The following NDUFV3 variants were observed in gnomAD, a reference collection of about 807,000 sequenced individuals.
NDUFV3 encodes the protein NADH dehydrogenase [ubiquinone] flavoprotein 3, mitochondrial.
In NDUFV3, 44 loss-of-function variants were observed where a neutral mutation model predicts 37.5. The ratio of observed to expected loss-of-function variants is 1.17; its 90% confidence interval spans 0.92 to 1.51. The LOEUF (loss-of-function observed/expected upper bound fraction) is 1.51, where lower values mean the gene tolerates loss of function less well. Among genes scored for constraint, NDUFV3 ranks in the 40% most tolerant of loss-of-function variants. The pLI is 0.00. For missense variants in NDUFV3, 580 were observed against 580.4 expected, an observed-to-expected ratio of 1.00 and a Z score of 0.01; for synonymous variants, 235 against 239.3, an observed-to-expected ratio of 0.98 and a Z score of 0.17.
At chr21:42,896,179 CAG>C (rs1276206525) in intron 1 of NDUFV3, among the ~76,000 whole-genome samples, 1 of 101,286 alleles carries the variant, frequency 9.9e-6, no homozygotes, top group Non-Finnish European at 1.9e-5. Context: ...TTTTTTGCGA[CAG>C]AGTCTTGCTC....
In NDUFV3 at chr21:42,893,428, G is replaced by A. The variant is rs1030609924; in HGVS notation, c.48+47G>A. 3 of 1,531,596 alleles carry A rather than the reference G, an allele frequency of 2.0e-6. No homozygotes were observed. The Admixed American group carries it at 5.9e-5, about 30-fold the overall frequency. The allele number at this position is 1,531,596 out of a possible 1,614,324, so 94.9% of individuals were successfully genotyped here. Reference sequence around the variant, plus strand: ...GCTGGCTGCGCGGCCCCGAGCCTACGTAGGGGATGGGGTGAGGGGGCGCGG... The same window carrying A: ...GCTGGCTGCGCGGCCCCGAGCCTACATAGGGGATGGGGTGAGGGGGCGCGG... On this transcript the variant is annotated intron_variant, in intron 1 of 3. Coordinates refer to ENST00000354250, the MANE Select transcript of NDUFV3 (RefSeq NM_021075.4).
At chr21:42,893,490 C>A (rs560597003) in intron 1 of NDUFV3, 109 bp downstream of exon 1, 6 of 1,298,880 alleles carry the variant, frequency 4.6e-6, no homozygotes, top group East Asian at 2.5e-5. Flanking sequence ...GACCTCTAGC[C>A]GTCCTAGTTG....
intron 1 of NDUFV3, among the ~76,000 whole-genome samples, chr21:42,895,420 T>G (rs1004615096): frequency 2.0e-5 from 3 of 152,032 alleles, no homozygotes; most frequent in Non-Finnish European, 2.9e-5. Flanking sequence ...AGGCGGAGAT[T>G]GTAGTGAGCC....
chr21:42,903,163 T>G lies in NDUFV3; in HGVS notation c.170-19T>G. 6.2e-7 allele frequency: 1 copy of G among 1,614,164 alleles called. No homozygotes were observed. Among genetic ancestry groups the G allele is most frequent in the Non-Finnish European group, 8.5e-7 (1 of 1,180,026 alleles). On this transcript the variant is annotated intron_variant, in intron 2 of 3. Transcript: ENST00000354250. ...AAGTTGTTTTGTTAAATAACATTCC[T>G]CTTTATGCCGTTTCCCAGATGTAGT...
At chr21:42,895,654 A>G (rs1264160167) in intron 1 of NDUFV3, among the ~76,000 whole-genome samples, 1 of 111,114 alleles carries the variant, frequency 9.0e-6, no homozygotes, top group African/African-American at 3.1e-5. Flanking sequence ...CCTGTCTCCA[A>G]AAAAAAAAAA....
At chr21:42,905,203 A>G (rs2058736036) in intron 3 of NDUFV3, among the ~76,000 whole-genome samples, 3 of 152,332 alleles carry the variant, frequency 2.0e-5, no homozygotes, top group East Asian at 1.9e-4. Flanking sequence ...AAGGTGTCCA[A>G]GTGTTCATTG....
At position 42,909,581 on chromosome 21, in the gene NDUFV3, T is replaced by G. The variant is rs981717257; in HGVS notation, c.*560T>G. On this transcript the variant is annotated 3_prime_UTR_variant, in exon 4 of 4. Coordinates refer to ENST00000354250, the MANE Select transcript of NDUFV3 (RefSeq NM_021075.4). ...GAATCACTGGGCAAATCCATATAAT[T>G]AGAGAATTTTAAGTGCTTTAGAGCG... is the stretch of plus-strand genomic sequence containing the variant. 3.1e-4 allele frequency: 53 copies of G among 171,568 alleles called. No individual in the cohort carries two copies. The highest frequency in any genetic ancestry group is 3.4e-4 in the Non-Finnish European group (27 of 78,340). 10.6% of individuals were successfully genotyped at this position (171,568 alleles called of 1,614,324 possible).
intron 2 of NDUFV3, among the ~76,000 whole-genome samples, chr21:42,899,286 T>TTTTTTTTTTTTTTTTTTTTA (rs1370334671): frequency 7.1e-6 from 1 of 140,866 alleles, no homozygotes; most frequent in African/African-American, 3.1e-5. Flanking sequence ...TGTTTTTTTT[T>TTTTTTTTTTTTTTTTTTTTA]GAGACAGAGT....
chr21:42,903,714 T>TA lies in NDUFV3; in HGVS notation c.704dup (p.Pro236AlafsTer21). 1 of 1,614,164 alleles carries TA rather than the reference T, an allele frequency of 6.2e-7. No homozygotes were observed. The highest frequency in any genetic ancestry group is 2.2e-5 in the East Asian group (1 of 44,882). ...AGCCAAAGAAGAAAGGGTCCCCTGC[T>TA]AAGCCATCAGAAGGCAGGGAAAATG... On this transcript the variant is annotated frameshift_variant, in exon 3 of 4. Transcript: ENST00000354250. LOFTEE classifies it high-confidence loss of function.
At position 42,903,707 on chromosome 21, in the gene NDUFV3, C is replaced by T. The variant is rs2058728623; in HGVS notation, c.695C>T (p.Ser232Phe). The T allele has an allele frequency of 8.1e-6, 13 of 1,614,112 alleles. No individual in the cohort carries two copies. Among genetic ancestry groups the T allele is most frequent in the Non-Finnish European group, 1.1e-5 (13 of 1,180,028 alleles). Reference sequence around the variant, plus strand: ...CCCCACCAGCCAAAGAAGAAAGGGTCCCCTGCTAAGCCATCAGAAGGCAGG... The same window carrying T: ...CCCCACCAGCCAAAGAAGAAAGGGTTCCCTGCTAAGCCATCAGAAGGCAGG... Reference protein sequence around the residue: ...EKPHQPKKKGSPAKPSEGREN... With the variant: ...EKPHQPKKKGFPAKPSEGREN... Residue 232 changes from serine (S) to phenylalanine (F), a missense_variant, in exon 3 of 4, where the codon TCC (serine) becomes TTC (phenylalanine). Ser to Phe is a radical substitution (Grantham distance 155, BLOSUM62 -2). Transcript: ENST00000354250.
At chr21:42,894,996 T>C (rs1447680111) in intron 1 of NDUFV3, among the ~76,000 whole-genome samples, 1 of 152,180 alleles carries the variant, frequency 6.6e-6, no homozygotes, top group Non-Finnish European at 1.5e-5. Context: ...TTTATATACC[T>C]ACATCATTTT....
Position 42,903,936 on chromosome 21 carries a change from G to T in NDUFV3, c.924G>T (p.Ala308=), listed in dbSNP as rs192664588. The change falls in exon 3 of 4, where the codon GCG becomes GCT. Residue 308 remains alanine, a synonymous_variant. Coordinates refer to ENST00000354250, the MANE Select transcript of NDUFV3 (RefSeq NM_021075.4). ...GLSAPPKGSP[A]PAVLAEEARA... ...CTGCGCCACCGAAGGGCAGCCCAGC[G>T]CCTGCTGTGTTGGCAGAAGAGGCCA... The T allele has an allele frequency of 8.7e-6, 14 of 1,613,048 alleles. No homozygotes were observed. Among genetic ancestry groups the T allele is most frequent in the Non-Finnish European group, 9.3e-6 (11 of 1,179,400 alleles).
rs71320572 is a variant in NDUFV3, at chr21:42,913,059, G to A, written c.*4038G>A. 0.22 allele frequency: 33,913 copies of A among 152,054 alleles called. 4,413 individuals are homozygous for A. Among genetic ancestry groups the A allele is most frequent in the Non-Finnish European group, 0.28 (19,355 of 67,960 alleles). The allele number at this position is 152,054 out of a possible 1,614,324, so 9.4% of individuals were successfully genotyped here. Reference sequence around the variant, plus strand: ...AGCCTGGGCGACAGAGCAAGACTCCGTCTCAAAAAATAAATTAATTAATTA... The same window carrying A: ...AGCCTGGGCGACAGAGCAAGACTCCATCTCAAAAAATAAATTAATTAATTA... On this transcript the variant is annotated 3_prime_UTR_variant, in exon 4 of 4. Coordinates refer to ENST00000354250, the MANE Select transcript of NDUFV3 (RefSeq NM_021075.4).
rs1456140078 is a variant in NDUFV3 at position 42,912,928 on chromosome 21, G to A, written c.*3907G>A. On this transcript the variant is annotated 3_prime_UTR_variant, in exon 4 of 4. Coordinates refer to ENST00000354250, the MANE Select transcript of NDUFV3 (RefSeq NM_021075.4). ...ACAAAAAAAAAATTAGCCGGGCGTG[G>A]TGGTGGGCGCCTGTAGTCCCAGCTA... 1 of 149,754 alleles carries A rather than the reference G, an allele frequency of 6.7e-6. No individual in the cohort carries two copies. The highest frequency in any genetic ancestry group is 2.5e-5 in the African/African-American group (1 of 40,514). The allele number at this position is 149,754 out of a possible 1,614,324, so 9.3% of individuals were successfully genotyped here.
At chr21:42,895,968 C>G (rs1056142894) in intron 1 of NDUFV3, among the ~76,000 whole-genome samples, 4 of 148,578 alleles carry the variant, frequency 2.7e-5, no homozygotes, top group African/African-American at 1.0e-4. Flanking sequence ...ACAATCCCAG[C>G]ACTTTGGTTG....
chr21:42,894,445 A>ATGTT (rs1181571775), intron 1 of NDUFV3, among the ~76,000 whole-genome samples: 1 of 54,478 alleles, frequency 1.8e-5, no homozygotes, highest in Non-Finnish European at 3.0e-5. Context: ...ATTATATAAT[A>ATGTT]TATATAATAT....
rs1375821518 is a variant in NDUFV3, at chr21:42,909,303, A to G, written c.*282A>G. On this transcript the variant is annotated 3_prime_UTR_variant, in exon 4 of 4. Coordinates refer to ENST00000354250, the MANE Select transcript of NDUFV3 (RefSeq NM_021075.4). ...ATTACAGGTACTCACCACCAGGTCC[A>G]GCTAACTTTTGTATTTTTAGTAGAG... 2.6e-6 allele frequency: 1 copy of G among 380,418 alleles called. No homozygotes were observed. The highest frequency in any genetic ancestry group is 3.7e-5 in the Admixed American group (1 of 26,964). 23.6% of individuals were successfully genotyped at this position (380,418 alleles called of 1,614,324 possible). A position where few individuals can be genotyped will look rare whatever the true frequency, so the allele number is the denominator to read the frequency against.
intron 2 of NDUFV3, among the ~76,000 whole-genome samples, chr21:42,902,762 G>A (rs1484293001): frequency 3.9e-5 from 6 of 152,104 alleles, no homozygotes; most frequent in Non-Finnish European, 7.4e-5. Context: ...GTATCTGAGG[G>A]GAATTGGTTC....
chr21:42,897,295 C>G (rs1003845082), intron 2 of NDUFV3, among the ~76,000 whole-genome samples: 1 of 152,180 alleles, frequency 6.6e-6, no homozygotes, highest in Non-Finnish European at 1.5e-5. Context: ...AATGCCAAAC[C>G]CCAACCTGAA....
Sources: allele counts gnomAD v4.1 joint callset (sites outside exome capture counted in the v4.1 genomes callset), GRCh38; gene constraint gnomAD v4.1.1; transcripts MANE v1.5; gene names NCBI Gene and HGNC (gene_info 2026-07-23, HGNC 2026-07-21).